Variants in NEXN observed in about 807,000 individuals in gnomAD.
NEXN encodes the protein nexilin F-actin binding protein, also known as nexilin.
A neutral mutation model predicts 92.6 loss-of-function variants in NEXN; 65 were observed. The ratio of observed to expected loss-of-function variants is 0.70; its 90% confidence interval spans 0.57 to 0.86. NEXN has a LOEUF of 0.86. Among genes scored for constraint, NEXN ranks in the 40% least tolerant of loss-of-function variants. The pLI, the probability that NEXN is intolerant of heterozygous loss-of-function variation, is 0.00. For synonymous variants in NEXN, 254 were observed against 242.5 expected (o/e 1.05, Z -0.44); for missense variants, 778 against 771.1 (o/e 1.01, Z -0.11).
chr1:77,895,287 C>T (rs1053478170), intron 1 of NEXN, among the ~76,000 whole-genome samples: 7 of 151,764 alleles, frequency 4.6e-5, no homozygotes, highest in South Asian at 2.1e-4. Context: ...CCTCTTGATC[C>T]GCCCGCCTTG....
chr1:77,943,638 T>G lies in NEXN; in HGVS notation c.*809T>G, dbSNP rs569415834. The stretch of plus-strand genomic sequence containing the variant: ...ATGTTGTGATCTTGCCTGAACAAAT[T>G]ATATTTTAATGAAAAAACTTTCTAT... On this transcript the variant is annotated 3_prime_UTR_variant, in exon 13 of 13. Coordinates refer to ENST00000334785, the MANE Select transcript of NEXN (RefSeq NM_144573.4). The G allele has an allele frequency of 1.1e-4, 16 of 152,184 alleles. No homozygotes were observed. The East Asian group carries it at 2.9e-3, about 27-fold the overall frequency. The allele number at this position is 152,184 out of a possible 1,614,324, so 9.4% of individuals were successfully genotyped here.
chr1:77,897,096 A>G (rs1052520827), intron 1 of NEXN, among the ~76,000 whole-genome samples: 1 of 152,240 alleles, frequency 6.6e-6, no homozygotes, highest in Admixed American at 6.5e-5. Flanking sequence ...AAGAGCTGGT[A>G]CCATTCCTTC....
chr1:77,901,051 C>G (rs1228691639), intron 1 of NEXN, among the ~76,000 whole-genome samples: 2 of 152,198 alleles, frequency 1.3e-5, no homozygotes, highest in Non-Finnish European at 2.9e-5. Context: ...TTCTAAAATA[C>G]ATTTCTAGAA....
chr1:77,905,428 T>C (rs1366682015), intron 1 of NEXN, among the ~76,000 whole-genome samples: 2 of 151,548 alleles, frequency 1.3e-5, no homozygotes, highest in Non-Finnish European at 2.9e-5. Context: ...TGGTGGCTCA[T>C]GCTTGTAATC....
intron 1 of NEXN, among the ~76,000 whole-genome samples, chr1:77,912,032 T>A (rs1464293971): frequency 2.6e-5 from 4 of 151,022 alleles, no homozygotes; most frequent in African/African-American, 9.8e-5. Context: ...TGAGCCGAGA[T>A]TGCACCATTG....
intron 1 of NEXN, among the ~76,000 whole-genome samples, chr1:77,902,986 G>C (rs933889114): frequency 2.0e-4 from 31 of 152,144 alleles, no homozygotes; most frequent in African/African-American, 7.5e-4. Context: ...TAGCTGGAAG[G>C]TTGAAAAAAT....
Position 77,899,647 on chromosome 1 carries a change from TATA to T in NEXN, c.-53+10899_-53+10901del, listed in dbSNP as rs575721043. Among the ~76,000 whole-genome samples, 610 of 151,098 alleles carry T rather than the reference TATA, an allele frequency of 4.0e-3. 3 individuals carry two copies. The highest frequency in any genetic ancestry group is 0.024 in the Middle Eastern group (7 of 292). On this transcript the variant is annotated intron_variant, in intron 1 of 12. Coordinates refer to ENST00000334785, the MANE Select transcript of NEXN (RefSeq NM_144573.4). Reference sequence around the variant, plus strand: ...ACATTGTGCACATTAAAACTTAAAATATAATAATAATAAAATAAAAAAATAAAA... The same window carrying T: ...ACATTGTGCACATTAAAACTTAAAATATAATAATAAAATAAAAAAATAAAA...
At chr1:77,905,492 A>C (rs1192287653) in intron 1 of NEXN, among the ~76,000 whole-genome samples, 1 of 151,976 alleles carries the variant, frequency 6.6e-6, no homozygotes, top group Non-Finnish European at 1.5e-5. Flanking sequence ...GAAGTTAAAG[A>C]CTAGCCTGGG....
intron 11 of NEXN, among the ~76,000 whole-genome samples, chr1:77,939,222 T>C (rs575525096): frequency 6.6e-6 from 1 of 152,318 alleles, no homozygotes; most frequent in African/African-American, 2.4e-5. Flanking sequence ...ATCTAGATGA[T>C]GCTATAGAGA....
intron 1 of NEXN, among the ~76,000 whole-genome samples, chr1:77,899,515 C>T (rs1003756657): frequency 4.0e-5 from 6 of 151,848 alleles, no homozygotes; most frequent in Non-Finnish European, 5.9e-5. Context: ...TTGCGGGATG[C>T]GGGGAGAGGG....
At position 77,942,671 on chromosome 1, in the gene NEXN, G is replaced by T; in HGVS notation, c.1870G>T (p.Asp624Tyr). The change falls in exon 13 of 13, where the codon GAT becomes TAT. Residue 624 changes from aspartate to tyrosine, a missense_variant. Transcript: ENST00000334785. ...TWWFEGEILQ[D>Y]GEDYQYIERG... is the part of the protein sequence containing the mutation. ...GTGGTTTGAAGGAGAAATACTGCAG[G>T]ATGGAGAAGACTATCAATATATTGA... 6.2e-7 allele frequency: 1 copy of T among 1,613,706 alleles called. No individual in the cohort carries two copies. Among genetic ancestry groups the T allele is most frequent in the Non-Finnish European group, 8.5e-7 (1 of 1,179,714 alleles).
At chr1:77,912,405 AT>A (rs1477051154) in intron 1 of NEXN, among the ~76,000 whole-genome samples, 2 of 152,162 alleles carry the variant, frequency 1.3e-5, no homozygotes, top group African/African-American at 4.8e-5. Flanking sequence ...TGCAATCCCA[AT>A]CAAAATCCCA....
intron 1 of NEXN, among the ~76,000 whole-genome samples, chr1:77,909,420 C>CAATA (rs934721060): frequency 2.2e-4 from 34 of 151,848 alleles, no homozygotes; most frequent in Middle Eastern, 3.4e-3. Context: ...AACTTCATCT[C>CAATA]AATAAATAAA....
intron 2 of NEXN, among the ~76,000 whole-genome samples, chr1:77,916,681 C>T (rs1649002002): frequency 6.6e-6 from 1 of 152,044 alleles, no homozygotes; most frequent in South Asian, 2.1e-4. Flanking sequence ...GTTGGATGTG[C>T]CACAAATTAA....
At chr1:77,933,170 A>G in intron 9 of NEXN, 112 bp from the exon 10 acceptor site, 1 of 787,180 alleles carries the variant, frequency 1.3e-6, no homozygotes, top group Non-Finnish European at 2.1e-6. Context: ...TCAAAAAACA[A>G]AAACAAAAAC....
chr1:77,907,713 T>C (rs773046760), intron 1 of NEXN, among the ~76,000 whole-genome samples: 12 of 152,204 alleles, frequency 7.9e-5, no homozygotes, highest in Non-Finnish European at 1.3e-4. Context: ...AGTCAAGATA[T>C]AATTTGAGGA....
At chr1:77,924,468 T>C (rs1649695889) in intron 5 of NEXN, among the ~76,000 whole-genome samples, 1 of 152,158 alleles carries the variant, frequency 6.6e-6, no homozygotes, top group African/African-American at 2.4e-5. Context: ...AAGTATTAGA[T>C]TGCTAATGGA....
intron 5 of NEXN, among the ~76,000 whole-genome samples, chr1:77,922,170 C>T (rs1189146893): frequency 3.5e-5 from 5 of 142,838 alleles, no homozygotes; most frequent in Non-Finnish European, 6.0e-5. Context: ...GATGGAGTCT[C>T]GCTCTGTCAC....
chr1:77,942,446 T>C lies in NEXN; in HGVS notation c.1660-15T>C, dbSNP rs776639214. On this transcript the variant is annotated splice_polypyrimidine_tract_variant and intron_variant, in intron 12 of 12. Coordinates refer to ENST00000334785, the MANE Select transcript of NEXN (RefSeq NM_144573.4). ...TACTATAAATGCCAACCTGAATGCA[T>C]TTATTTTAATACAGAAAAGAGAAGA... is the stretch of plus-strand genomic sequence containing the variant. 4 of 1,611,634 alleles carry C rather than the reference T, an allele frequency of 2.5e-6. No individual in the cohort carries two copies. The East Asian group carries it at 8.9e-5, about 36-fold the overall frequency.
Sources: allele counts gnomAD v4.1 joint callset (sites outside exome capture counted in the v4.1 genomes callset), GRCh38; gene constraint gnomAD v4.1.1; transcripts MANE v1.5; gene names NCBI Gene and HGNC (gene_info 2026-07-23, HGNC 2026-07-21).